Variants in TTLL13 observed in about 807,000 individuals in gnomAD.
TTLL13 encodes the protein tubulin polyglutamylase TTLL13.
the TTLL13 span, among the ~76,000 whole-genome samples, chr15:90,255,208 C>T: frequency 2.0e-5 from 3 of 152,160 alleles, no homozygotes. Context: ...CATCCTATCT[C>T]ATTATTTGTT....
chr15:90,258,667 C>T, the TTLL13 span: 2 of 1,262,364 alleles, frequency 1.6e-6, no homozygotes, highest in South Asian at 2.4e-5. Context: ...CTTAGACCCT[C>T]TAGTTAATGC....
At chr15:90,254,354 A>G in the TTLL13 span, among the ~76,000 whole-genome samples, 28,310 of 151,038 alleles carry the variant, frequency 0.19, 3,277 homozygotes, top group East Asian at 0.59. Context: ...TTAACCAGGC[A>G]TGGTGGCGCA....
the TTLL13 span, among the ~76,000 whole-genome samples, chr15:90,252,795 G>A: frequency 2.0e-5 from 3 of 152,144 alleles, no homozygotes; most frequent in Non-Finnish European, 4.4e-5. Context: ...CTGAGGTCAG[G>A]AGTTCGAGAC....
chr15:90,253,393 G>A, the TTLL13 span: 29 of 1,574,602 alleles, frequency 1.8e-5, no homozygotes, highest in South Asian at 1.5e-4. Context: ...CCTGAGAGCC[G>A]ACAGGGGCTA....
At chr15:90,265,359 C>T in the TTLL13 span, 1 of 1,227,710 alleles carries the variant, frequency 8.1e-7, no homozygotes, top group East Asian at 4.8e-5. Context: ...CAGAAGACTG[C>T]CGAGCGGAAG....
chr15:90,252,438 C>G, the TTLL13 span, among the ~76,000 whole-genome samples: 22 of 152,308 alleles, frequency 1.4e-4, no homozygotes, highest in African/African-American at 3.8e-4. Context: ...ACTTCAGCTT[C>G]TCAAAGGCCT....
the TTLL13 span, chr15:90,262,272 G>A: frequency 5.8e-6 from 8 of 1,369,174 alleles, no homozygotes; most frequent in East Asian, 5.1e-5. Context: ...AGGGAAAGAG[G>A]AAGCCAGACA....
chr15:90,253,308 CTG>C, the TTLL13 span: 1 of 1,613,686 alleles, frequency 6.2e-7, no homozygotes, highest in African/African-American at 1.3e-5. Context: ...AGAGTGGACT[CTG>C]TACTGGACAG....
chr15:90,257,581 T>G, the TTLL13 span: 2 of 1,529,852 alleles, frequency 1.3e-6, no homozygotes, highest in Non-Finnish European at 1.8e-6. Flanking sequence ...AATGAAGGGC[T>G]GGAGAGGACG....
At chr15:90,258,821 A>G in the TTLL13 span, 1 of 1,614,122 alleles carries the variant, frequency 6.2e-7, no homozygotes, top group Non-Finnish European at 8.5e-7. Context: ...TGATGCTATG[A>G]CCCTTGTCAA....
the TTLL13 span, chr15:90,259,087 G>A: frequency 7.0e-7 from 1 of 1,433,498 alleles, no homozygotes; most frequent in Non-Finnish European, 9.2e-7. Flanking sequence ...ACAGGACCAG[G>A]CTTGGTGGCT....
At chr15:90,265,402 C>A in the TTLL13 span, 1 of 1,262,934 alleles carries the variant, frequency 7.9e-7, no homozygotes, top group Non-Finnish European at 1.0e-6. Flanking sequence ...GACAGGCAGG[C>A]CTGGGCAGCC....
At chr15:90,255,911 G>A in the TTLL13 span, 4 of 1,613,882 alleles carry the variant, frequency 2.5e-6, no homozygotes, top group Non-Finnish European at 3.4e-6. Context: ...TTCCCATGCT[G>A]AGATACCAGG....
At chr15:90,251,682 G>C in the TTLL13 span, 1 of 1,487,946 alleles carries the variant, frequency 6.7e-7, no homozygotes, top group Non-Finnish European at 9.4e-7. Flanking sequence ...CCCCGATCAG[G>C]CTTCCAGCCC....
At chr15:90,254,810 C>T in the TTLL13 span, among the ~76,000 whole-genome samples, 3 of 152,226 alleles carry the variant, frequency 2.0e-5, no homozygotes, top group Non-Finnish European at 4.4e-5. Context: ...CACACCACTG[C>T]ACTCCAGCCT....
chr15:90,253,255 G>C, the TTLL13 span: 1 of 1,613,490 alleles, frequency 6.2e-7, no homozygotes, highest in Non-Finnish European at 8.5e-7. Context: ...GCAGTGCGTC[G>C]GGCAGCCCAA....
the TTLL13 span, among the ~76,000 whole-genome samples, chr15:90,250,258 T>TC: frequency 6.6e-6 from 1 of 151,760 alleles, no homozygotes; most frequent in Non-Finnish European, 1.5e-5. Context: ...AAAGCGAAGG[T>TC]CCCCCCAGCA....
the TTLL13 span, chr15:90,262,670 G>C: frequency 1.4e-6 from 2 of 1,478,528 alleles, no homozygotes; most frequent in Admixed American, 5.2e-5. Context: ...GGAGAAAGAG[G>C]TGCCAGGGGT....
the TTLL13 span, chr15:90,257,923 T>C: frequency 9.3e-7 from 1 of 1,073,046 alleles, no homozygotes; most frequent in Non-Finnish European, 1.4e-6. Flanking sequence ...TCCAAACTGC[T>C]AGCAGCCCTT....
Sources: gnomAD v4.1 joint callset for allele counts (sites outside exome capture counted in the v4.1 genomes callset) on GRCh38, gnomAD v4.1.1 for gene constraint, MANE v1.5 for transcripts, NCBI Gene and HGNC (gene_info 2026-07-23, HGNC 2026-07-21) for gene names.